The following ROBO1 variants were observed in gnomAD, a reference collection of about 807,000 sequenced individuals.
The protein encoded by ROBO1 is roundabout homolog 1.
Under a neutral mutation model 195.9 loss-of-function variants are expected in ROBO1, and 149 were observed. The ratio of observed to expected loss-of-function variants is 0.76; its 90% CI spans 0.67 to 0.87. ROBO1 has a LOEUF of 0.87. Among genes scored for constraint, ROBO1 ranks in the 40% least tolerant of loss-of-function variants. ROBO1 has a pLI of 0.00. For missense variants in ROBO1, 1,933 were observed against 2,068.3 expected (o/e 0.93, Z 1.27); for synonymous variants, 816 against 733.2 (o/e 1.11, Z -1.82).
At chr3:78,950,876 A>G (rs1576456776) in intron 3 of ROBO1, among the ~76,000 whole-genome samples, 1 of 151,990 alleles carries the variant, frequency 6.6e-6, no homozygotes, top group East Asian at 1.9e-4. Context: ...ATGAGCTTAC[A>G]TTGCTGAGTA....
At chr3:79,082,519 A>C (rs1233100246) in intron 3 of ROBO1, among the ~76,000 whole-genome samples, 1 of 152,218 alleles carries the variant, frequency 6.6e-6, no homozygotes, top group Non-Finnish European at 1.5e-5. Context: ...TTAAAATAAG[A>C]AAATAAATAT....
chr3:79,718,358 A>G (rs1200748005), intron 1 of ROBO1, among the ~76,000 whole-genome samples: 3 of 152,026 alleles, frequency 2.0e-5, no homozygotes, highest in African/African-American at 7.2e-5. Context: ...CTAACATTGT[A>G]TATCGCTCCT....
chr3:78,738,684 C>T (rs1435285004), intron 5 of ROBO1, among the ~76,000 whole-genome samples: 1 of 152,052 alleles, frequency 6.6e-6, no homozygotes, highest in African/African-American at 2.4e-5. Flanking sequence ...AACACCAGGA[C>T]CATCCTGGGC....
intron 5 of ROBO1, among the ~76,000 whole-genome samples, chr3:78,729,837 T>G (rs1168188012): frequency 6.6e-6 from 1 of 152,370 alleles, no homozygotes; most frequent in African/African-American, 2.4e-5. Flanking sequence ...AGCCTTAATA[T>G]GAAAAATTGA....
intron 2 of ROBO1, among the ~76,000 whole-genome samples, chr3:79,170,029 A>C (rs1171745744): frequency 1.3e-5 from 2 of 152,152 alleles, no homozygotes; most frequent in African/African-American, 2.4e-5. Flanking sequence ...AGAGAGAGCG[A>C]GAGAGAGAAA....
chr3:79,313,810 G>A (rs2033607224), intron 2 of ROBO1, among the ~76,000 whole-genome samples: 2 of 152,124 alleles, frequency 1.3e-5, no homozygotes, highest in East Asian at 1.9e-4. Flanking sequence ...GAATAAGAAT[G>A]ATTTTAAAAA....
intron 2 of ROBO1, among the ~76,000 whole-genome samples, chr3:79,234,868 G>A (rs2082380990): frequency 6.6e-6 from 1 of 151,982 alleles, no homozygotes; most frequent in South Asian, 2.1e-4. Flanking sequence ...TAACTATTGG[G>A]TACTATGCTC....
intron 8 of ROBO1, among the ~76,000 whole-genome samples, chr3:78,700,873 C>A (rs1575967515): frequency 6.6e-6 from 1 of 151,872 alleles, no homozygotes; most frequent in South Asian, 2.1e-4. Context: ...AAGTGATTCT[C>A]CTGCCTCAGC....
chr3:79,112,102 A>G (rs2079896928), intron 3 of ROBO1, among the ~76,000 whole-genome samples: 1 of 152,154 alleles, frequency 6.6e-6, no homozygotes, highest in African/African-American at 2.4e-5. Flanking sequence ...CCCATTTCTT[A>G]TTACTTTGTT....
At chr3:79,197,637 T>G (rs1472538680) in intron 2 of ROBO1, among the ~76,000 whole-genome samples, 1 of 152,150 alleles carries the variant, frequency 6.6e-6, no homozygotes, top group Non-Finnish European at 1.5e-5. Flanking sequence ...ATGGTTGACC[T>G]AGTTTACACT....
intron 2 of ROBO1, among the ~76,000 whole-genome samples, chr3:79,502,633 C>G (rs60487146): frequency 0.3 from 46,032 of 151,974 alleles, 7,259 homozygotes; most frequent in Non-Finnish European, 0.35. Context: ...TGGCGGGTAG[C>G]TCCACCTGCC....
chr3:79,454,393 C>T (rs1011308707), intron 2 of ROBO1, among the ~76,000 whole-genome samples: 13 of 152,014 alleles, frequency 8.6e-5, no homozygotes, highest in African/African-American at 3.1e-4. Flanking sequence ...TTCATGTTAA[C>T]GTGGGACACC....
chr3:78,679,297 T>C (rs1288538992), intron 10 of ROBO1, among the ~76,000 whole-genome samples: 1 of 152,090 alleles, frequency 6.6e-6, no homozygotes, highest in African/African-American at 2.4e-5. Flanking sequence ...ACCACTCCTA[T>C]TCAACCTAGT....
At chr3:79,024,620 A>G (rs1357657023) in intron 3 of ROBO1, among the ~76,000 whole-genome samples, 1 of 152,184 alleles carries the variant, frequency 6.6e-6, no homozygotes, top group East Asian at 1.9e-4. Flanking sequence ...ACGTTTAAGG[A>G]TTCCCCAAAG....
At chr3:79,134,829 A>C (rs2080368237) in intron 2 of ROBO1, among the ~76,000 whole-genome samples, 1 of 107,318 alleles carries the variant, frequency 9.3e-6, no homozygotes, top group South Asian at 4.2e-4. Flanking sequence ...ATAGGTGGGA[A>C]TTGAACAATG....
intron 3 of ROBO1, among the ~76,000 whole-genome samples, chr3:78,999,216 C>G (rs2077438767): frequency 6.6e-6 from 1 of 151,906 alleles, no homozygotes; most frequent in Non-Finnish European, 1.5e-5. Flanking sequence ...TCCCATTAAC[C>G]AAAATAAAAC....
intron 2 of ROBO1, among the ~76,000 whole-genome samples, chr3:79,149,219 A>G (rs2080715253): frequency 6.6e-6 from 1 of 151,938 alleles, no homozygotes; most frequent in South Asian, 2.1e-4. Context: ...TGTCCATTTA[A>G]ACTACTCAGT....
chr3:78,862,823 C>A (rs1374110786), intron 4 of ROBO1, among the ~76,000 whole-genome samples: 1 of 152,108 alleles, frequency 6.6e-6, no homozygotes, highest in Non-Finnish European at 1.5e-5. Context: ...ATGTTTATAT[C>A]AGAATTTCCA....
intron 2 of ROBO1, among the ~76,000 whole-genome samples, chr3:79,528,892 C>G (rs899328893): frequency 1.3e-5 from 2 of 152,096 alleles, no homozygotes; most frequent in African/African-American, 2.4e-5. Context: ...TAGAAGATTC[C>G]GTGTTTAAAG....
Sources: allele counts gnomAD v4.1 joint callset (sites outside exome capture counted in the v4.1 genomes callset), GRCh38; gene constraint gnomAD v4.1.1; transcripts MANE v1.5; gene names NCBI Gene and HGNC (gene_info 2026-07-23, HGNC 2026-07-21).